The following ROBO2 variants were observed in gnomAD, a reference collection of about 807,000 sequenced individuals.
ROBO2 encodes roundabout guidance receptor 2, also known as roundabout homolog 2.
A neutral mutation model predicts 160.8 loss-of-function variants in ROBO2; 53 were observed. The observed-to-expected ratio is 0.33, with a 90% confidence interval of 0.26 to 0.41. The LOEUF is 0.41. Among genes scored for constraint, ROBO2 ranks in the 10% least tolerant of loss-of-function variants. The probability of loss-of-function intolerance (pLI) is 1.00; values close to 1 mark genes in which losing one functional copy is unlikely to be tolerated. For synonymous variants in ROBO2, 664 were observed against 611.7 expected, an observed-to-expected ratio of 1.09 and a Z score of -1.26; for missense variants, 1,577 against 1,722.4, an observed-to-expected ratio of 0.92 and a Z score of 1.49.
In ROBO2 at chr3:77,296,600, C is replaced by G. The variant is rs114944363; in HGVS notation, c.389-180814C>G. Among the ~76,000 whole-genome samples the G allele has an allele frequency of 4.9e-3, 751 of 152,162 alleles. 5 individuals are homozygous for G. Among genetic ancestry groups the G allele is most frequent in the African/African-American group, 0.017 (720 of 41,518 alleles). On this transcript the variant is annotated intron_variant, in intron 2 of 25. Transcript: ENST00000461745. ...CTAATTTAATTGTTCAGTGTATTCC[C>G]TGGACATTGAGACCTTTAGAGTATC...
intron 2 of ROBO2, among the ~76,000 whole-genome samples, chr3:77,029,307 C>A (rs2149543295): frequency 6.6e-6 from 1 of 152,088 alleles, no homozygotes; most frequent in Non-Finnish European, 1.5e-5. Flanking sequence ...ATTTGGGGAG[C>A]TTTTAAAATT....
intron 2 of ROBO2, among the ~76,000 whole-genome samples, chr3:77,003,038 G>A (rs182132893): frequency 8.6e-5 from 13 of 151,982 alleles, no homozygotes; most frequent in South Asian, 4.2e-4. Flanking sequence ...TCTCTTGAGC[G>A]TTTTGATTAT....
At chr3:76,753,109 C>T (rs1024270766) in intron 2 of ROBO2, among the ~76,000 whole-genome samples, 2 of 151,764 alleles carry the variant, frequency 1.3e-5, no homozygotes, top group African/African-American at 4.8e-5. Flanking sequence ...AATGTCTTGT[C>T]AAAGACTTAA....
intron 2 of ROBO2, among the ~76,000 whole-genome samples, chr3:77,029,249 T>G (rs1439644694): frequency 6.6e-6 from 1 of 152,156 alleles, no homozygotes. Context: ...TTCTGTCATA[T>G]CCAATGTACA....
intron 21 of ROBO2, among the ~76,000 whole-genome samples, chr3:77,610,173 A>AGAG (rs2094600803): frequency 6.6e-6 from 1 of 152,130 alleles, no homozygotes; most frequent in Middle Eastern, 3.2e-3. Context: ...TGAACACAGT[A>AGAG]GAGTATTCTA....
intron 2 of ROBO2, among the ~76,000 whole-genome samples, chr3:76,346,416 C>CA (rs2074536125): frequency 6.6e-6 from 1 of 152,072 alleles, no homozygotes; most frequent in South Asian, 2.1e-4. Flanking sequence ...TCCCTGTATT[C>CA]ACTTTTGAAA....
chr3:76,964,875 T>C (rs1336577273), intron 2 of ROBO2, among the ~76,000 whole-genome samples: 1 of 152,236 alleles, frequency 6.6e-6, no homozygotes, highest in Non-Finnish European at 1.5e-5. Flanking sequence ...ATAGTCTGAA[T>C]AATAAACTAG....
chr3:76,287,457 G>A (rs1336858633), intron 2 of ROBO2, among the ~76,000 whole-genome samples: 1 of 151,774 alleles, frequency 6.6e-6, no homozygotes, highest in Non-Finnish European at 1.5e-5. Flanking sequence ...CACCATGCCC[G>A]AATAATTTTT....
At chr3:76,325,123 C>T (rs1355026159) in intron 2 of ROBO2, among the ~76,000 whole-genome samples, 3 of 152,140 alleles carry the variant, frequency 2.0e-5, no homozygotes, top group African/African-American at 7.2e-5. Context: ...AACAAACAAA[C>T]AAAACAGATC....
intron 2 of ROBO2, among the ~76,000 whole-genome samples, chr3:77,322,824 T>C (rs2064877067): frequency 8.4e-6 from 1 of 118,482 alleles, no homozygotes; most frequent in African/African-American, 3.3e-5. Context: ...ATATGTATTA[T>C]AATATATTAT....
At chr3:77,017,685 A>G (rs1370806224) in intron 2 of ROBO2, among the ~76,000 whole-genome samples, 2 of 152,212 alleles carry the variant, frequency 1.3e-5, no homozygotes, top group Non-Finnish European at 2.9e-5. Context: ...CATAGTATTT[A>G]CTATTTTTAT....
At chr3:77,385,254 C>T (rs2073978497) in intron 2 of ROBO2, among the ~76,000 whole-genome samples, 1 of 152,180 alleles carries the variant, frequency 6.6e-6, no homozygotes, top group Admixed American at 6.5e-5. Flanking sequence ...TGGTCTCAAA[C>T]TCCTGACTTC....
chr3:76,015,898 T>G (rs1251187845), intron 2 of ROBO2, among the ~76,000 whole-genome samples: 1 of 152,218 alleles, frequency 6.6e-6, no homozygotes, highest in Non-Finnish European at 1.5e-5. Flanking sequence ...AAATCTATTC[T>G]CTATTTTCTT....
chr3:76,773,577 AT>A (rs35654330), intron 2 of ROBO2, among the ~76,000 whole-genome samples: 3,032 of 149,846 alleles, frequency 0.02, 102 homozygotes, highest in African/African-American at 0.069. Context: ...TACAAGATTA[AT>A]TTTTTTTTAA....
chr3:76,671,448 G>A (rs528401589), intron 2 of ROBO2, among the ~76,000 whole-genome samples: 8 of 152,094 alleles, frequency 5.3e-5, no homozygotes, highest in African/African-American at 9.7e-5. Flanking sequence ...TCTTGAGTGC[G>A]TTTTAACATT....
intron 2 of ROBO2, among the ~76,000 whole-genome samples, chr3:77,415,650 A>G (rs2077157805): frequency 6.6e-6 from 1 of 152,096 alleles, no homozygotes; most frequent in Non-Finnish European, 1.5e-5. Context: ...AGGGTAGGGC[A>G]CAGGTCTTTG....
chr3:76,708,823 G>A (rs1429710270), intron 2 of ROBO2, among the ~76,000 whole-genome samples: 1 of 152,198 alleles, frequency 6.6e-6, no homozygotes, highest in Non-Finnish European at 1.5e-5. Flanking sequence ...TTCAGTGCCA[G>A]ATTGACATCT....
At chr3:75,944,842 G>A (rs1948209967) in intron 2 of ROBO2, among the ~76,000 whole-genome samples, 2 of 152,058 alleles carry the variant, frequency 1.3e-5, no homozygotes, top group African/African-American at 4.8e-5. Flanking sequence ...TCTGATGTTT[G>A]TTTGTAAGAT....
intron 2 of ROBO2, among the ~76,000 whole-genome samples, chr3:76,707,760 T>TATATATATATATAA: frequency 7.4e-6 from 1 of 134,408 alleles, no homozygotes; most frequent in Admixed American, 7.5e-5. Flanking sequence ...TATATATATA[T>TATATATATATATAA]AAATCTTAAA....
Sources: gnomAD v4.1 joint callset for allele counts (sites outside exome capture counted in the v4.1 genomes callset) on GRCh38, gnomAD v4.1.1 for gene constraint, MANE v1.5 for transcripts, NCBI Gene and HGNC (gene_info 2026-07-23, HGNC 2026-07-21) for gene names.